MOB3B: variants seen among roughly 807,000 people sequenced by gnomAD.
MOB3B encodes the protein MOB kinase activator 3B.
A neutral mutation model predicts 18.7 loss-of-function variants in MOB3B; 7 were observed. The ratio of observed to expected loss-of-function variants is 0.37; its 90% CI spans 0.21 to 0.70. MOB3B has a LOEUF of 0.70. Ranked by LOEUF, MOB3B falls within the 30% of genes least tolerant of loss-of-function variation. MOB3B has a pLI of 0.52. For missense variants in MOB3B, 253 were observed against 281.3 expected (o/e 0.90, Z 0.72); for synonymous variants, 111 against 99.9 (o/e 1.11, Z -0.66).
At chr9:27,475,584 C>T (rs551207604) in intron 1 of MOB3B, among the ~76,000 whole-genome samples, 1 of 152,166 alleles carries the variant, frequency 6.6e-6, no homozygotes. Context: ...GTCAATATAT[C>T]TGTATTGATA....
intron 1 of MOB3B, among the ~76,000 whole-genome samples, chr9:27,517,310 T>C (rs1820250465): frequency 6.6e-6 from 1 of 152,106 alleles, no homozygotes; most frequent in Non-Finnish European, 1.5e-5. Flanking sequence ...ATGATAACTA[T>C]CATTTATTGT....
In MOB3B at chr9:27,455,505, G is replaced by T. The variant is rs991096104; in HGVS notation, c.46C>A (p.Arg16=). 5 of 1,614,066 alleles carry T rather than the reference G, an allele frequency of 3.1e-6. No individual in the cohort carries two copies. The East Asian group carries it at 6.7e-5, about 22-fold the overall frequency. ...CCAGGTTCAAATTTCCTCTTGGGTC[G>T]GAAGGTCTTGTCCTTGTTGAATACC... ...KQVFNKDKTF[R]PKRKFEPGTQ... The change falls in exon 2 of 4, where the codon CGA becomes AGA. Residue 16 remains arginine (R), a synonymous_variant. Coordinates refer to ENST00000262244, the MANE Select transcript of MOB3B (RefSeq NM_024761.5).
At chr9:27,358,800 A>G (rs981655108) in intron 3 of MOB3B, 10 of 720,834 alleles carry the variant, frequency 1.4e-5, no homozygotes, top group Non-Finnish European at 2.3e-5. Flanking sequence ...AAACTATTAT[A>G]TTCCCACAAC....
At chr9:27,435,582 CTTTTA>C (rs1822487240) in intron 2 of MOB3B, among the ~76,000 whole-genome samples, 1 of 151,958 alleles carries the variant, frequency 6.6e-6, no homozygotes, top group South Asian at 2.1e-4. Flanking sequence ...GAACAGAGTT[CTTTTA>C]TTTATTTGTT....
intron 3 of MOB3B, among the ~76,000 whole-genome samples, chr9:27,343,029 G>T (rs1057263251): frequency 2.0e-5 from 3 of 151,744 alleles, no homozygotes; most frequent in African/African-American, 7.3e-5. Flanking sequence ...TGGTGGTTTT[G>T]TAGAATAGAA....
At chr9:27,336,330 A>AG (rs113298806) in intron 3 of MOB3B, among the ~76,000 whole-genome samples, 6,178 of 151,866 alleles carry the variant, frequency 0.041, 171 homozygotes, top group East Asian at 0.087. Flanking sequence ...AAAATGGATA[A>AG]GGGGGGGGAA....
intron 1 of MOB3B, among the ~76,000 whole-genome samples, chr9:27,456,151 G>C (rs1040810920): frequency 6.6e-6 from 1 of 152,122 alleles, no homozygotes; most frequent in Non-Finnish European, 1.5e-5. Context: ...CATCCTTCTA[G>C]ATACAGATGA....
At chr9:27,333,881 T>C (rs955779681) in intron 3 of MOB3B, among the ~76,000 whole-genome samples, 4 of 152,108 alleles carry the variant, frequency 2.6e-5, no homozygotes, top group Non-Finnish European at 5.9e-5. Context: ...TCCCTCCCAC[T>C]CACCACACCA....
intron 2 of MOB3B, among the ~76,000 whole-genome samples, chr9:27,383,026 AG>A (rs1821601532): frequency 6.6e-6 from 1 of 152,170 alleles, no homozygotes; most frequent in South Asian, 2.1e-4. Context: ...AGCAGGGAAA[AG>A]AATGTGGGGG....
At chr9:27,498,408 G>C (rs563942635) in intron 1 of MOB3B, among the ~76,000 whole-genome samples, 1 of 152,242 alleles carries the variant, frequency 6.6e-6, no homozygotes, top group South Asian at 2.1e-4. Context: ...TGGAATAAGC[G>C]TGTGATGTGT....
At position 27,429,364 on chromosome 9, in the gene MOB3B, A is replaced by T. The variant is rs1822385215; in HGVS notation, c.418+25769T>A. Among the ~76,000 whole-genome samples, 3 of 152,362 alleles carry T rather than the reference A, an allele frequency of 2.0e-5. No homozygotes were observed. The South Asian group carries it at 6.2e-4, about 32-fold the overall frequency. ...TCTCCATCAGGGAGGTAGTATATGC[A>T]GAATGAGCAATAATAGTGTCTCACA... On this transcript the variant is annotated intron_variant, in intron 2 of 3. Transcript: ENST00000262244.
intron 2 of MOB3B, among the ~76,000 whole-genome samples, chr9:27,438,846 A>G (rs1161679): frequency 0.38 from 57,091 of 151,766 alleles, 11,284 homozygotes; most frequent in South Asian, 0.47. Flanking sequence ...CAAAGTGTCA[A>G]CTCCTTGAGG....
intron 1 of MOB3B, among the ~76,000 whole-genome samples, chr9:27,503,933 C>A (rs1263349109): frequency 6.6e-6 from 1 of 152,214 alleles, no homozygotes; most frequent in Non-Finnish European, 1.5e-5. Flanking sequence ...GCTCCAGAGC[C>A]CCCTGTGCAT....
chr9:27,516,611 A>G (rs1367631824), intron 1 of MOB3B, among the ~76,000 whole-genome samples: 1 of 152,170 alleles, frequency 6.6e-6, no homozygotes, highest in Non-Finnish European at 1.5e-5. Context: ...AAAACAAACA[A>G]ACAAACAAAA....
intron 2 of MOB3B, among the ~76,000 whole-genome samples, chr9:27,369,903 A>T (rs76726155): frequency 1.3e-5 from 2 of 149,540 alleles, no homozygotes; most frequent in African/African-American, 4.9e-5. Flanking sequence ...TGCTTCTTCC[A>T]TGACAATACT....
At chr9:27,521,925 TA>T (rs1820338284) in intron 1 of MOB3B, among the ~76,000 whole-genome samples, 2 of 152,034 alleles carry the variant, frequency 1.3e-5, no homozygotes, top group Non-Finnish European at 2.9e-5. Flanking sequence ...TATCTTCTTT[TA>T]AAAACAGCCT....
At chr9:27,351,457 T>C (rs376417652) in intron 3 of MOB3B, among the ~76,000 whole-genome samples, 8 of 152,350 alleles carry the variant, frequency 5.3e-5, no homozygotes, top group African/African-American at 1.7e-4. Flanking sequence ...GGTAGCATAA[T>C]AGTGGAAATG....
intron 2 of MOB3B, among the ~76,000 whole-genome samples, chr9:27,407,575 C>G (rs550007688): frequency 6.6e-6 from 1 of 152,236 alleles, no homozygotes; most frequent in Admixed American, 6.5e-5. Flanking sequence ...GGCCTTCCTT[C>G]CTCTCTTCTT....
intron 2 of MOB3B, among the ~76,000 whole-genome samples, chr9:27,386,730 AGAGCACATCTT>A (rs1198579015): frequency 6.6e-6 from 1 of 152,244 alleles, no homozygotes; most frequent in Non-Finnish European, 1.5e-5. Flanking sequence ...AATTGCATTC[AGAGCACATCTT>A]GAAGGAAAAT....
Sources: gnomAD v4.1 joint callset for allele counts (sites outside exome capture counted in the v4.1 genomes callset) on GRCh38, gnomAD v4.1.1 for gene constraint, MANE v1.5 for transcripts, NCBI Gene and HGNC (gene_info 2026-07-23, HGNC 2026-07-21) for gene names.